Variants in RUNX3 observed in about 807,000 individuals in gnomAD.
RUNX3 encodes the protein runt-related transcription factor 3.
RUNX3 carries 10 observed loss-of-function variants against 27.7 expected under a neutral mutation model. The ratio of observed to expected loss-of-function variants is 0.36; its 90% confidence interval spans 0.22 to 0.61. The LOEUF (loss-of-function observed/expected upper bound fraction) is 0.61, where lower values mean the gene tolerates loss of function less well. Ranked by LOEUF, RUNX3 falls within the 20% of genes least tolerant of loss-of-function variation. RUNX3 has a pLI of 0.72. For synonymous variants in RUNX3, 270 were observed against 269.2 expected, an observed-to-expected ratio of 1.00 and a Z score of -0.03; for missense variants, 469 against 629.5, an observed-to-expected ratio of 0.75 and a Z score of 2.73.
At chr1:24,935,188 G>A (rs1017196488), upstream of RUNX3, among the ~76,000 whole-genome samples, 2 of 152,194 alleles carry the variant, frequency 1.3e-5, no homozygotes, top group Non-Finnish European at 2.9e-5. Flanking sequence ...GCCCAGTCCT[G>A]GGCCTCATAC....
In RUNX3 at chr1:24,907,485, C is replaced by T. The variant is rs1212597145; in HGVS notation, c.545-68G>A. ...TCTCAGTGGAGACAGAAATGCCTCACTCTGCTGGGAAGTTCTTCCTGAGGT... is the reference window on the plus strand; with the variant it reads ...TCTCAGTGGAGACAGAAATGCCTCATTCTGCTGGGAAGTTCTTCCTGAGGT... On this transcript the variant is annotated intron_variant, in intron 3 of 4. Transcript: ENST00000308873. The T allele has an allele frequency of 2.5e-5, 38 of 1,494,144 alleles. No homozygotes were observed. The Admixed American group carries it at 7.5e-4, about 30-fold the overall frequency. 92.6% of individuals were successfully genotyped at this position (1,494,144 alleles called of 1,614,324 possible).
chr1:24,951,538 G>A (rs890608995), intron 2 of RUNX3, among the ~76,000 whole-genome samples: 1 of 152,224 alleles, frequency 6.6e-6, no homozygotes, highest in African/African-American at 2.4e-5. Context: ...CAGTAAGAAG[G>A]TGGTGGAGCT....
At chr1:24,950,199 C>T (rs185097264) in intron 2 of RUNX3, among the ~76,000 whole-genome samples, 9 of 152,350 alleles carry the variant, frequency 5.9e-5, no homozygotes, top group Admixed American at 1.3e-4. Context: ...TGTGGACTCT[C>T]AACCCACGGT....
intron 3 of RUNX3, among the ~76,000 whole-genome samples, chr1:24,913,655 C>A (rs904170980): frequency 6.6e-6 from 1 of 152,352 alleles, no homozygotes; most frequent in East Asian, 1.9e-4. Flanking sequence ...ATGCTGGGCC[C>A]CAGCCAGTCT....
At position 24,956,515 on chromosome 1, in the gene RUNX3, G is replaced by A. The variant is rs115146220; in HGVS notation, c.58+7999C>T. On this transcript the variant is annotated intron_variant, in intron 2 of 6. Transcript: ENST00000338888. ...TATAGCTGCTCTGTAGGAGATGTGGGGGCACCAGGCTCTCTCCATGGGCTC... is the reference window on the plus strand; with the variant it reads ...TATAGCTGCTCTGTAGGAGATGTGGAGGCACCAGGCTCTCTCCATGGGCTC... Among the ~76,000 whole-genome samples, 560 of 152,294 alleles carry A rather than the reference G, an allele frequency of 3.7e-3. 6 individuals carry two copies. Among genetic ancestry groups the A allele is most frequent in the African/African-American group, 0.012 (512 of 41,552 alleles).
At chr1:24,906,539 C>T (rs992303106) in intron 4 of RUNX3, among the ~76,000 whole-genome samples, 7 of 152,184 alleles carry the variant, frequency 4.6e-5, no homozygotes, top group African/African-American at 7.2e-5. Context: ...AGCCGGCAGC[C>T]GTTTAGTGAG....
At chr1:24,919,218 C>G in intron 3 of RUNX3, 22 bp downstream of exon 3, 2 of 1,515,428 alleles carry the variant, frequency 1.3e-6, no homozygotes, top group Non-Finnish European at 1.8e-6. Flanking sequence ...CGCAGGGGCT[C>G]AGGGGGCTCG....
chr1:24,912,792 C>A (rs988622489), intron 3 of RUNX3, among the ~76,000 whole-genome samples: 1 of 151,734 alleles, frequency 6.6e-6, no homozygotes, highest in Non-Finnish European at 1.5e-5. Flanking sequence ...CCTGTGAAAA[C>A]ACATCTATTG....
chr1:24,953,375 A>G (rs1480767575), intron 2 of RUNX3, among the ~76,000 whole-genome samples: 4 of 137,002 alleles, frequency 2.9e-5, no homozygotes, highest in Admixed American at 7.5e-5. Context: ...AAAAAAAAAA[A>G]AAAAGAAAAG....
chr1:24,920,189 A>AG (rs1007542140), intron 2 of RUNX3, among the ~76,000 whole-genome samples: 1 of 151,938 alleles, frequency 6.6e-6, no homozygotes, highest in Non-Finnish European at 1.5e-5. Context: ...AATTCCTGAG[A>AG]GGGGAAAAAA....
chr1:24,922,936 C>T (rs758590554), intron 2 of RUNX3, among the ~76,000 whole-genome samples: 2 of 152,208 alleles, frequency 1.3e-5, no homozygotes, highest in South Asian at 4.1e-4. Flanking sequence ...TCTCCTTCTA[C>T]TAGATTATAA....
At position 24,929,755 on chromosome 1, in the gene RUNX3, C is replaced by T; in HGVS notation, c.114G>A (p.Ala38=). The T allele has an allele frequency of 2.0e-6, 3 of 1,464,554 alleles. No homozygotes were observed. Among genetic ancestry groups the T allele is most frequent in the South Asian group, 1.3e-5 (1 of 74,694 alleles). 90.7% of individuals were successfully genotyped at this position (1,464,554 alleles called of 1,614,324 possible). A position where few individuals can be genotyped will look rare whatever the true frequency, so the allele number is the denominator to read the frequency against. Residue 38 remains alanine (A), a synonymous_variant, in exon 1 of 5, where the codon GCG becomes GCA. Transcript: ENST00000308873. ...GCCCTCCGGGCCCCACGGCCGCCTGCGCGCTCAGCGCGCCGCTGTTCTCGC... is the reference window on the plus strand; with the variant it reads ...GCCCTCCGGGCCCCACGGCCGCCTGTGCGCTCAGCGCGCCGCTGTTCTCGC... The part of the protein sequence containing the change: ...KMGENSGALS[A]QAAVGPGGRA...
intron 2 of RUNX3, among the ~76,000 whole-genome samples, chr1:24,960,707 T>C (rs1642087913): frequency 1.3e-5 from 2 of 152,092 alleles, no homozygotes; most frequent in Admixed American, 1.3e-4. Context: ...GAGGGCCTCA[T>C]GAGGCAGATT....
chr1:24,949,341 C>CGTCCAG (rs1641698693), intron 2 of RUNX3, among the ~76,000 whole-genome samples: 1 of 152,150 alleles, frequency 6.6e-6, no homozygotes, highest in Admixed American at 6.5e-5. Flanking sequence ...AATCGTCCAG[C>CGTCCAG]GTCCAGGGCT....
chr1:24,941,387 G>T (rs1423221827), intron 2 of RUNX3, among the ~76,000 whole-genome samples: 1 of 152,198 alleles, frequency 6.6e-6, no homozygotes, highest in African/African-American at 2.4e-5. Flanking sequence ...GAGGAGCCAG[G>T]CCCCTTGATT....
intron 3 of RUNX3, among the ~76,000 whole-genome samples, chr1:24,912,990 C>A (rs1640824194): frequency 6.6e-6 from 1 of 152,308 alleles, no homozygotes; most frequent in East Asian, 1.9e-4. Flanking sequence ...GGGCCCTTCC[C>A]TGCTCTGAAG....
rs1486961855 is a variant in RUNX3, at chr1:24,900,310, T to C, written c.*1812A>G. Reference sequence around the variant, plus strand: ...ACTGCCTAACCTGCCAGTGTGTCTCTGGTGTATGGTTCTGGCCGTTGTGAC... The same window carrying C: ...ACTGCCTAACCTGCCAGTGTGTCTCCGGTGTATGGTTCTGGCCGTTGTGAC... On this transcript the variant is annotated 3_prime_UTR_variant, in exon 5 of 5. Transcript: ENST00000308873. The C allele has an allele frequency of 6.6e-6, 1 of 152,408 alleles. No individual in the cohort carries two copies. The highest frequency in any genetic ancestry group is 2.4e-5 in the African/African-American group (1 of 41,462). 9.4% of individuals were successfully genotyped at this position (152,408 alleles called of 1,614,324 possible).
At chr1:24,928,130 TAAC>T (rs1337662294) in intron 1 of RUNX3, among the ~76,000 whole-genome samples, 1 of 151,818 alleles carries the variant, frequency 6.6e-6, no homozygotes, top group Non-Finnish European at 1.5e-5. Context: ...TGAGAAAGAG[TAAC>T]AACAATAATA....
Position 24,930,232 on chromosome 1 carries a change from C to G in RUNX3, c.-364G>C, listed in dbSNP as rs867220121. 3.4e-4 allele frequency: 330 copies of G among 982,990 alleles called. 2 individuals carry two copies. In the African/African-American group the frequency reaches 5.1e-3, roughly 15 times the overall value. The allele number at this position is 982,990 out of a possible 1,614,324, so 60.9% of individuals were successfully genotyped here. On this transcript the variant is annotated 5_prime_UTR_variant, in exon 1 of 5. Coordinates refer to ENST00000308873, the MANE Select transcript of RUNX3 (RefSeq NM_004350.3). This position sits in a 1 kb window ranked among gnomAD's most constrained non-coding sequence, Gnocchi z 4.1. ...CGAAGCTCGCCCGCGGCCGCCCCGA[C>G]TCCGCGGCCGCAGCCCCAGAACAAA... is the stretch of plus-strand genomic sequence containing the variant.
Sources: allele counts gnomAD v4.1 joint callset (sites outside exome capture counted in the v4.1 genomes callset), GRCh38; gene constraint gnomAD v4.1.1; non-coding constraint Gnocchi (gnomAD v3.1); transcripts MANE v1.5; gene names NCBI Gene and HGNC (gene_info 2026-07-23, HGNC 2026-07-21).